Variants in CNNM3 observed in about 807,000 individuals in gnomAD.
The protein encoded by CNNM3 is cyclin and CBS domain divalent metal cation transport mediator 3.
In CNNM3, 47 loss-of-function variants were observed where a neutral mutation model predicts 57.1. The ratio of observed to expected loss-of-function variants is 0.82; its 90% CI spans 0.65 to 1.05. CNNM3 has a LOEUF of 1.05. Ranked by LOEUF, CNNM3 falls within the 50% of genes least tolerant of loss-of-function variation. CNNM3 has a pLI of 0.00. For synonymous variants in CNNM3, 507 were observed against 478.2 expected, an observed-to-expected ratio of 1.06 and a Z score of -0.79; for missense variants, 957 against 973.7, an observed-to-expected ratio of 0.98 and a Z score of 0.23.
chr2:96,835,450 C>T (rs190550208), downstream of CNNM3, among the ~76,000 whole-genome samples: 77 of 149,704 alleles, frequency 5.1e-4, no homozygotes, highest in Middle Eastern at 0.011. Flanking sequence ...TTGCATGTTT[C>T]GTTTTTTAAA....
chr2:96,816,483 C>G lies in CNNM3; in HGVS notation c.206C>G (p.Pro69Arg), dbSNP rs1183755230. The change falls in exon 1 of 8, where the codon CCG (proline) becomes CGG (arginine). Residue 69 changes from proline (P) to arginine (R), a missense_variant. Around this residue, in one of 2 missense-constraint regions of CNNM3, gnomAD observed 466 missense variants for 403.1 expected, o/e 1.16. Coordinates refer to ENST00000305510, the MANE Select transcript of CNNM3 (RefSeq NM_017623.5). Reference sequence around the variant, plus strand: ...ACCTTCCTCCTGCGCCTCTTCGGCCCGGGCTTCGCCAACAGCTCTTGGTCC... The same window carrying G: ...ACCTTCCTCCTGCGCCTCTTCGGCCGGGGCTTCGCCAACAGCTCTTGGTCC... ...DATFLLRLFG[P>R]GFANSSWSWV... 1.4e-6 allele frequency: 2 copies of G among 1,457,888 alleles called. No homozygotes were observed. Among genetic ancestry groups the G allele is most frequent in the Non-Finnish European group, 1.8e-6 (2 of 1,105,460 alleles). The allele number at this position is 1,457,888 out of a possible 1,614,324, so 90.3% of individuals were successfully genotyped here.
In CNNM3 at chr2:96,817,470, A is replaced by G. The variant is rs1218039245; in HGVS notation, c.1193A>G (p.Lys398Arg). The change falls in exon 1 of 8, where the codon AAG becomes AGG. Residue 398 changes from lysine (K) to arginine (R), a missense_variant. Around this residue, in one of 2 missense-constraint regions of CNNM3, gnomAD observed 491 missense variants for 570.6 expected, o/e 0.86. Transcript: ENST00000305510. ...HPLHFVFNDT[K>R]LDAVLEEFKR... ...CTCCACTTCGTCTTCAACGACACCA[A>G]GCTGGACGCTGTCCTGGAGGAATTC... 7.4e-6 allele frequency: 12 copies of G among 1,613,564 alleles called. No homozygotes were observed. The highest frequency in any genetic ancestry group is 1.0e-5 in the Non-Finnish European group (12 of 1,179,814).
At chr2:96,827,115 T>C in intron 3 of CNNM3, 133 bp downstream of exon 3, 1 of 958,744 alleles carries the variant, frequency 1.0e-6, no homozygotes, top group Non-Finnish European at 1.5e-6. Context: ...CTGTGTTCTC[T>C]GCAGCCCTGC....
At position 96,816,857 on chromosome 2, in the gene CNNM3, G is replaced by T. The variant is rs1292203503; in HGVS notation, c.580G>T (p.Ala194Ser). 11 of 1,073,172 alleles carry T rather than the reference G, an allele frequency of 1.0e-5. No homozygotes were observed. The highest frequency in any genetic ancestry group is 1.1e-5 in the Non-Finnish European group (10 of 890,302). 66.5% of individuals were successfully genotyped at this position (1,073,172 alleles called of 1,614,324 possible). A position where few individuals can be genotyped will look rare whatever the true frequency, so the allele number is the denominator to read the frequency against. Reference protein sequence around the residue: ...LEPARRWAGCALGALLLLASL... With the variant: ...LEPARRWAGCSLGALLLLASL... ...GCCCGCGCGGCGCTGGGCCGGCTGC[G>T]CCTTGGGCGCGCTGCTGCTGCTGGC... is the stretch of plus-strand genomic sequence containing the variant. The change falls in exon 1 of 8, where the codon GCC (alanine) becomes TCC (serine). Residue 194 changes from alanine (A) to serine (S), a missense_variant. Physicochemically the swap from Ala to Ser is moderately conservative, Grantham distance 99 (BLOSUM62 1). This residue lies in a region of CNNM3 where 466 missense variants were observed against 403.1 expected (regional missense o/e 1.16). Coordinates refer to ENST00000305510, the MANE Select transcript of CNNM3 (RefSeq NM_017623.5).
Position 96,826,947 on chromosome 2 carries a change from AG to A in CNNM3, c.1485del (p.Gln495HisfsTer31), listed in dbSNP as rs1275650679. ...GAATATAAAGTAACAATCTCGCCTC[AG>A]CTGCTCTTGGCCACCCAGCGCTTCC... ...DDEYKVTISP[Q>X]LLLATQRFLS... On this transcript the variant is annotated frameshift_variant, in exon 3 of 8. Transcript: ENST00000305510. LOFTEE classifies it high-confidence loss of function. 4.3e-6 allele frequency: 7 copies of A among 1,614,204 alleles called. No individual in the cohort carries two copies. The highest frequency in any genetic ancestry group is 5.9e-6 in the Non-Finnish European group (7 of 1,180,036).
In CNNM3 at chr2:96,817,032, C is replaced by T. The variant is rs764705972; in HGVS notation, c.755C>T (p.Ala252Val). The change falls in exon 1 of 8, where the codon GCG becomes GTG. Residue 252 changes from alanine (A) to valine (V), a missense_variant. By Grantham distance (64) the Ala-to-Val change is moderately conservative. Around this residue, in one of 2 missense-constraint regions of CNNM3, gnomAD observed 466 missense variants for 403.1 expected, o/e 1.16. Coordinates refer to ENST00000305510, the MANE Select transcript of CNNM3 (RefSeq NM_017623.5). ...AVSGRWTLAL[A>V]PRALGLSRLA... ...AGCGGGCGCTGGACGCTGGCGCTGG[C>T]GCCGCGAGCGCTCGGCCTCAGCCGC... 5.9e-6 allele frequency: 8 copies of T among 1,366,024 alleles called. No homozygotes were observed. The South Asian group carries it at 1.0e-4, about 18-fold the overall frequency. The allele number at this position is 1,366,024 out of a possible 1,614,324, so 84.6% of individuals were successfully genotyped here. A position where few individuals can be genotyped will look rare whatever the true frequency, so the allele number is the denominator to read the frequency against.
At position 96,833,873 on chromosome 2, in the gene CNNM3, C is replaced by T. The variant is rs746856551; in HGVS notation, c.*1257C>T. 9.2e-5 allele frequency: 14 copies of T among 152,290 alleles called. No individual in the cohort carries two copies. Among genetic ancestry groups the T allele is most frequent in the Admixed American group, 7.8e-4 (12 of 15,298 alleles). 9.4% of individuals were successfully genotyped at this position (152,290 alleles called of 1,614,324 possible). A position where few individuals can be genotyped will look rare whatever the true frequency, so the allele number is the denominator to read the frequency against. On this transcript the variant is annotated 3_prime_UTR_variant, in exon 8 of 8. Transcript: ENST00000305510. The stretch of plus-strand genomic sequence containing the variant: ...AAGGAATAAACTCTGAGAGCAAGCC[C>T]GGGTTGGAAACAGATGCTTTAAAAT...
intron 7 of CNNM3, 47 bp downstream of exon 7, chr2:96,829,181 C>CGTGA (rs1559014223): frequency 6.3e-7 from 1 of 1,594,854 alleles, no homozygotes; most frequent in South Asian, 1.1e-5. Context: ...ACCTGAGGGC[C>CGTGA]GTGAGCTCAC....
At position 96,816,704 on chromosome 2, in the gene CNNM3, G is replaced by A; in HGVS notation, c.427G>A (p.Gly143Arg). Residue 143 changes from glycine (G) to arginine (R), a missense_variant, in exon 1 of 8, where the codon GGG becomes AGG. Around this residue, in one of 2 missense-constraint regions of CNNM3, gnomAD observed 466 missense variants for 403.1 expected, o/e 1.16. Coordinates refer to ENST00000305510, the MANE Select transcript of CNNM3 (RefSeq NM_017623.5). ...CTGGGCTCTGGGCCTGGGGGCGGCC[G>A]GGCTGCTGGCGCTGGCAGCGCTGGC... The part of the protein sequence containing the change: ...PPWALGLGAA[G>R]LLALAALARG... 4 of 1,013,568 alleles carry A rather than the reference G, an allele frequency of 3.9e-6. No homozygotes were observed. The highest frequency in any genetic ancestry group is 4.7e-6 in the Non-Finnish European group (4 of 850,398). 62.8% of individuals were successfully genotyped at this position (1,013,568 alleles called of 1,614,324 possible). A position where few individuals can be genotyped will look rare whatever the true frequency, so the allele number is the denominator to read the frequency against.
At chr2:96,832,329 G>T in intron 7 of CNNM3, 1 of 985,348 alleles carries the variant, frequency 1.0e-6, no homozygotes, top group Non-Finnish European at 1.2e-6. Context: ...GGACCCTCGG[G>T]GCCAGAAATC....
chr2:96,822,220 G>A (rs1316857919), intron 1 of CNNM3, among the ~76,000 whole-genome samples: 1 of 152,030 alleles, frequency 6.6e-6, no homozygotes, highest in Non-Finnish European at 1.5e-5. Context: ...GGCCAGGATA[G>A]TTTCGATCTC....
intron 1 of CNNM3, among the ~76,000 whole-genome samples, chr2:96,823,777 C>T (rs2079447958): frequency 6.6e-6 from 1 of 152,194 alleles, no homozygotes; most frequent in Non-Finnish European, 1.5e-5. Flanking sequence ...AGCGTTTCCA[C>T]TAGTGACAAA....
intron 1 of CNNM3, among the ~76,000 whole-genome samples, chr2:96,818,668 C>T (rs1397223962): frequency 2.0e-5 from 3 of 152,196 alleles, no homozygotes; most frequent in East Asian, 3.8e-4. Context: ...CAGTACCCTC[C>T]GGATGTGAAG....
intron 1 of CNNM3, 42 bp from the exon 2 acceptor site, chr2:96,825,016 G>A (rs1379471188): frequency 1.2e-6 from 2 of 1,609,126 alleles, no homozygotes; most frequent in Non-Finnish European, 1.7e-6. Flanking sequence ...TCAAACTGGG[G>A]GGGGCCCAGC....
At chr2:96,823,403 T>C (rs1405477926) in intron 1 of CNNM3, among the ~76,000 whole-genome samples, 4 of 152,188 alleles carry the variant, frequency 2.6e-5, no homozygotes, top group African/African-American at 4.8e-5. Flanking sequence ...GCACTTGGCC[T>C]TCCTGGCCTG....
At chr2:96,825,323 C>T in intron 2 of CNNM3, 122 bp downstream of exon 2, 1 of 1,255,624 alleles carries the variant, frequency 8.0e-7, no homozygotes, top group African/African-American at 1.5e-5. Flanking sequence ...ACAGCCAGGC[C>T]CCCTTCTGAG....
At chr2:96,822,920 C>T (rs980673815) in intron 1 of CNNM3, among the ~76,000 whole-genome samples, 1 of 152,206 alleles carries the variant, frequency 6.6e-6, no homozygotes, top group Non-Finnish European at 1.5e-5. Flanking sequence ...GGGCTTTCTG[C>T]TTGACGTTGG....
At chr2:96,832,441 G>A (rs2079619596) in intron 7 of CNNM3, 111 bp from the exon 8 acceptor site, 3 of 1,542,694 alleles carry the variant, frequency 1.9e-6, no homozygotes, top group South Asian at 1.2e-5. Flanking sequence ...AAGGCATCCC[G>A]AAGCACCTGT....
intron 1 of CNNM3, among the ~76,000 whole-genome samples, chr2:96,823,682 A>G (rs1338964304): frequency 6.6e-6 from 1 of 152,252 alleles, no homozygotes; most frequent in Non-Finnish European, 1.5e-5. Flanking sequence ...GATCCACACA[A>G]CAACACAAAC....
Sources: allele counts gnomAD v4.1 joint callset (sites outside exome capture counted in the v4.1 genomes callset), GRCh38; gene constraint gnomAD v4.1.1; regional missense constraint gnomAD v4.1.1; transcripts MANE v1.5; gene names NCBI Gene and HGNC (gene_info 2026-07-23, HGNC 2026-07-21).